The following TG variants were observed in gnomAD, a reference collection of about 807,000 sequenced individuals.
TG encodes the protein thyroglobulin, also known as thyroid hormones.
Under a neutral mutation model 324.7 loss-of-function variants are expected in TG, and 270 were observed. The observed-to-expected ratio is 0.83, with a 90% confidence interval of 0.75 to 0.92. The LOEUF (loss-of-function observed/expected upper bound fraction) is 0.92, where lower values mean the gene tolerates loss of function less well. Ranked by LOEUF, TG falls within the 40% of genes least tolerant of loss-of-function variation. TG has a pLI of 0.00. For missense variants in TG, 3,591 were observed against 3,456.4 expected, an observed-to-expected ratio of 1.04 and a Z score of -0.98; for synonymous variants, 1,401 against 1,327.0, an observed-to-expected ratio of 1.06 and a Z score of -1.21.
intron 40 of TG, among the ~76,000 whole-genome samples, chr8:133,026,576 A>T (rs1160810876): frequency 6.6e-6 from 1 of 152,176 alleles, no homozygotes; most frequent in African/African-American, 2.4e-5. Context: ...GTGGCATCAG[A>T]CGGGACACAG....
intron 41 of TG, among the ~76,000 whole-genome samples, chr8:133,054,867 T>C (rs1173705847): frequency 6.6e-6 from 1 of 152,218 alleles, no homozygotes; most frequent in Non-Finnish European, 1.5e-5. Context: ...TTTTGTAAAC[T>C]GTCATTCTTT....
intron 35 of TG, among the ~76,000 whole-genome samples, chr8:133,011,271 G>A (rs1052401941): frequency 2.0e-5 from 3 of 152,174 alleles, no homozygotes; most frequent in Non-Finnish European, 4.4e-5. Flanking sequence ...ACAGTGTTGG[G>A]ATGCAGGCTG....
intron 10 of TG, among the ~76,000 whole-genome samples, chr8:132,892,188 T>TA (rs1329373363): frequency 6.6e-6 from 1 of 152,216 alleles, no homozygotes; most frequent in Admixed American, 6.5e-5. Flanking sequence ...TCTGCTAACT[T>TA]ACAGTGCCTC....
At chr8:133,034,093 CA>C (rs1199996729) in intron 41 of TG, among the ~76,000 whole-genome samples, 1 of 152,108 alleles carries the variant, frequency 6.6e-6, no homozygotes, top group Non-Finnish European at 1.5e-5. Flanking sequence ...CAGAATTCAC[CA>C]AGATATTCAT....
chr8:132,944,950 C>T (rs868500330), intron 26 of TG, among the ~76,000 whole-genome samples: 1 of 152,094 alleles, frequency 6.6e-6, no homozygotes, highest in Non-Finnish European at 1.5e-5. Flanking sequence ...TAGAGGAAGC[C>T]GTGGTCCCTG....
chr8:133,059,279 A>G, intron 41 of TG: 1 of 375,588 alleles, frequency 2.7e-6, no homozygotes, highest in Non-Finnish European at 5.3e-6. Context: ...GGCTTCCCTA[A>G]CCGTCCCTTT....
chr8:133,036,946 A>G (rs1185757130), intron 41 of TG: 1 of 152,340 alleles, frequency 6.6e-6, no homozygotes. Context: ...ACAGTGTTAC[A>G]TTCATTTCTC....
At chr8:133,027,896 T>C (rs556111622) in intron 40 of TG, among the ~76,000 whole-genome samples, 1 of 152,286 alleles carries the variant, frequency 6.6e-6, no homozygotes, top group East Asian at 1.9e-4. Context: ...CGTAATTGCT[T>C]GGTAACTGCC....
chr8:133,071,253 G>A (rs1265279732), intron 41 of TG, among the ~76,000 whole-genome samples: 1 of 152,224 alleles, frequency 6.6e-6, no homozygotes, highest in Non-Finnish European at 1.5e-5. Flanking sequence ...TCATTACGCT[G>A]AGGCCTTTTG....
At chr8:132,874,016 A>G (rs1378258793) in intron 5 of TG, among the ~76,000 whole-genome samples, 1 of 152,110 alleles carries the variant, frequency 6.6e-6, no homozygotes, top group African/African-American at 2.4e-5. Flanking sequence ...TAAAAAAAAT[A>G]CAAAAATTAG....
At chr8:132,968,087 G>C in intron 31 of TG, 117 bp downstream of exon 31, 1 of 1,274,944 alleles carries the variant, frequency 7.8e-7, no homozygotes, top group Non-Finnish European at 1.1e-6. Flanking sequence ...TACTTTTATT[G>C]GTTTCAAGAA....
At chr8:132,964,591 G>A (rs879255843) in intron 29 of TG, 3 of 320,820 alleles carry the variant, frequency 9.4e-6, no homozygotes, top group South Asian at 1.1e-4. Context: ...GGAAGCCAAC[G>A]AGAGTGATTG....
intron 16 of TG, among the ~76,000 whole-genome samples, chr8:132,905,032 C>T (rs1818470864): frequency 6.6e-6 from 1 of 152,130 alleles, no homozygotes; most frequent in Non-Finnish European, 1.5e-5. Flanking sequence ...GATAATGGGA[C>T]CTATCCCATA....
rs1817532886 is a variant in TG at position 132,898,942 on chromosome 8, G to A, written c.3330+32G>A. 1.9e-6 allele frequency: 3 copies of A among 1,579,786 alleles called. 1 individual carries two copies. In the East Asian group the frequency reaches 6.8e-5, roughly 36 times the overall value. On this transcript the variant is annotated intron_variant, in intron 14 of 47. Coordinates refer to ENST00000220616, the MANE Select transcript of TG (RefSeq NM_003235.5). ...GTCTGGAAGCACAGGATTGGAGCCG[G>A]GACTTGTCCCCGCTGGTCAGAGATG... is the stretch of plus-strand genomic sequence containing the variant.
chr8:132,924,786 C>CGTTGTAAGAGT (rs1821595350), intron 22 of TG, among the ~76,000 whole-genome samples: 1 of 152,196 alleles, frequency 6.6e-6, no homozygotes, highest in Non-Finnish European at 1.5e-5. Context: ...CAGTTTCCCC[C>CGTTGTAAGAGT]GTTGTAAGAG....
intron 35 of TG, among the ~76,000 whole-genome samples, chr8:132,989,810 C>A (rs965929878): frequency 1.3e-5 from 2 of 152,180 alleles, no homozygotes; most frequent in Non-Finnish European, 2.9e-5. Flanking sequence ...GAAGCATGTA[C>A]ACCCTCTAAG....
intron 2 of TG, among the ~76,000 whole-genome samples, chr8:132,869,366 C>G (rs1395705014): frequency 1.3e-5 from 2 of 152,196 alleles, no homozygotes; most frequent in Non-Finnish European, 2.9e-5. Context: ...CAAGCCCCCA[C>G]TCCCTATCCA....
chr8:133,054,062 G>C (rs1242903138), intron 41 of TG, among the ~76,000 whole-genome samples: 1 of 152,176 alleles, frequency 6.6e-6, no homozygotes, highest in Non-Finnish European at 1.5e-5. Context: ...CTGGTGCCAG[G>C]ATCCCTTCAA....
chr8:133,004,178 A>G (rs1399010170), intron 35 of TG, among the ~76,000 whole-genome samples: 1 of 117,780 alleles, frequency 8.5e-6, no homozygotes, highest in African/African-American at 4.3e-5. Flanking sequence ...CCAAGGGCAT[A>G]TTCTCCTCCA....
Sources: allele counts gnomAD v4.1 joint callset (sites outside exome capture counted in the v4.1 genomes callset), GRCh38; gene constraint gnomAD v4.1.1; transcripts MANE v1.5; gene names NCBI Gene and HGNC (gene_info 2026-07-23, HGNC 2026-07-21).